Variants in BCAS3 observed in about 807,000 individuals in gnomAD.
The protein encoded by BCAS3 is BCAS4/BCAS3 fusion.
Under a neutral mutation model 116.1 loss-of-function variants are expected in BCAS3, and 53 were observed. The ratio of observed to expected loss-of-function variants is 0.46; its 90% confidence interval spans 0.37 to 0.57. The LOEUF is 0.57. Among genes scored for constraint, BCAS3 ranks in the 20% least tolerant of loss-of-function variants. The pLI is 0.00. For synonymous variants in BCAS3, 391 were observed against 408.2 expected (o/e 0.96, Z 0.51); for missense variants, 917 against 1,165.4 (o/e 0.79, Z 3.10).
At position 61,229,896 on chromosome 17, in the gene BCAS3, G is replaced by T. The variant is rs575492645; in HGVS notation, c.2426-138431G>T. Among the ~76,000 whole-genome samples the T allele has an allele frequency of 6.6e-6, 1 of 152,190 alleles. No individual in the cohort carries two copies. The highest frequency in any genetic ancestry group is 1.5e-5 in the Non-Finnish European group (1 of 68,032). ...TCCCAGCACTTTGGGAGGCCAAGGCGGGCGGTTCACCTGAGGTCAGGAGTT... is the reference window on the plus strand; with the variant it reads ...TCCCAGCACTTTGGGAGGCCAAGGCTGGCGGTTCACCTGAGGTCAGGAGTT... On this transcript the variant is annotated intron_variant, in intron 22 of 23. Coordinates refer to ENST00000407086, the MANE Select transcript of BCAS3 (RefSeq NM_017679.5). The surrounding 1 kb of genome is among the most constrained non-coding windows in gnomAD (Gnocchi z 4.4).
At chr17:61,312,190 T>A (rs1229663798) in intron 22 of BCAS3, among the ~76,000 whole-genome samples, 1 of 152,074 alleles carries the variant, frequency 6.6e-6, no homozygotes, top group African/African-American at 2.4e-5. Flanking sequence ...GATCCAACTC[T>A]CCATAAGCAA....
At chr17:60,881,226 G>A (rs891390380) in intron 9 of BCAS3, among the ~76,000 whole-genome samples, 3 of 152,014 alleles carry the variant, frequency 2.0e-5, no homozygotes, top group East Asian at 1.9e-4. Context: ...CGCCCACCTC[G>A]GCCTCCCAAA....
At position 61,214,031 on chromosome 17, in the gene BCAS3, C is replaced by T. The variant is rs2081623472; in HGVS notation, c.2425+129467C>T. Among the ~76,000 whole-genome samples the T allele has an allele frequency of 6.6e-6, 1 of 152,088 alleles. No individual in the cohort carries two copies. On this transcript the variant is annotated intron_variant, in intron 22 of 23. Coordinates refer to ENST00000407086, the MANE Select transcript of BCAS3 (RefSeq NM_017679.5). The surrounding 1 kb of genome is among the most constrained non-coding windows in gnomAD (Gnocchi z 4.4). ...ACAGTAGGCTGGAGATTCTACCTAA[C>T]CTCACAGGACTCCTAGCATGGCTGG...
At chr17:60,925,983 T>A (rs1045377335) in intron 13 of BCAS3, among the ~76,000 whole-genome samples, 2 of 152,190 alleles carry the variant, frequency 1.3e-5, no homozygotes, top group African/African-American at 4.8e-5. Flanking sequence ...TTGTACAATA[T>A]TTTAAGTGAT....
At chr17:61,125,540 A>T (rs1039382218) in intron 22 of BCAS3, among the ~76,000 whole-genome samples, 7 of 152,308 alleles carry the variant, frequency 4.6e-5, no homozygotes, top group East Asian at 1.9e-4. Context: ...TGACAAAAAA[A>T]ATTTTTATCA....
In BCAS3 at chr17:61,368,372, G is replaced by A. The variant is rs1297742624; in HGVS notation, c.2471G>A (p.Trp824Ter). 2 of 1,611,934 alleles carry A rather than the reference G, an allele frequency of 1.2e-6. No individual in the cohort carries two copies. The highest frequency in any genetic ancestry group is 1.7e-6 in the Non-Finnish European group (2 of 1,178,302). ...SVTLLEVCGS[W>*]PEGFGLRHMS... ...ACCCTGCTGGAGGTGTGCGGGAGCTGGCCTGAGGGCTTCGGGCTGCGGCAC... is the reference window on the plus strand; with the variant it reads ...ACCCTGCTGGAGGTGTGCGGGAGCTAGCCTGAGGGCTTCGGGCTGCGGCAC... The change falls in exon 23 of 24, where the codon TGG becomes TAG. Residue 824 changes from tryptophan (W) to a stop codon, truncating the protein, a stop_gained. Coordinates refer to ENST00000407086, the MANE Select transcript of BCAS3 (RefSeq NM_017679.5). LOFTEE classifies it high-confidence loss of function. This position sits in a 1 kb window ranked among gnomAD's most constrained non-coding sequence, Gnocchi z 6.0.
rs557630110 is a variant in BCAS3 at position 61,020,298 on chromosome 17, G to A, written c.1637+4397G>A. On this transcript the variant is annotated intron_variant, in intron 16 of 23. Coordinates refer to ENST00000407086, the MANE Select transcript of BCAS3 (RefSeq NM_017679.5). The surrounding 1 kb of genome is among the most constrained non-coding windows in gnomAD (Gnocchi z 4.5). ...GCCTGTGCAGTGTCAGGGACCATCT[G>A]TCTCACTGCGAGACATACATGAGGC... is the stretch of plus-strand genomic sequence containing the variant. 2.0e-5 allele frequency among the ~76,000 whole-genome samples: 3 copies of A among 152,158 alleles called. No homozygotes were observed. The highest frequency in any genetic ancestry group is 4.4e-5 in the Non-Finnish European group (3 of 68,036).
At chr17:60,839,831 A>G (rs1385676549) in intron 7 of BCAS3, among the ~76,000 whole-genome samples, 1 of 152,142 alleles carries the variant, frequency 6.6e-6, no homozygotes, top group African/African-American at 2.4e-5. Context: ...TGTCTTTGCT[A>G]TTTTGTGTTT....
chr17:60,828,397 G>T (rs1033346300), intron 7 of BCAS3, among the ~76,000 whole-genome samples: 13 of 151,862 alleles, frequency 8.6e-5, no homozygotes, highest in African/African-American at 1.9e-4. Flanking sequence ...CCATTTTTTT[G>T]GGGGGGAAAT....
At chr17:60,953,352 T>C (rs2060943604) in intron 14 of BCAS3, among the ~76,000 whole-genome samples, 1 of 152,200 alleles carries the variant, frequency 6.6e-6, no homozygotes, top group Admixed American at 6.5e-5. Flanking sequence ...TGCATTTCTC[T>C]AATGACATTC....
rs1311778638 is a variant in BCAS3, at chr17:61,136,844, C to T, written c.2425+52280C>T. Among the ~76,000 whole-genome samples the T allele has an allele frequency of 1.3e-5, 2 of 152,180 alleles. No homozygotes were observed. The highest frequency in any genetic ancestry group is 2.9e-5 in the Non-Finnish European group (2 of 68,026). On this transcript the variant is annotated intron_variant, in intron 22 of 23. Coordinates refer to ENST00000407086, the MANE Select transcript of BCAS3 (RefSeq NM_017679.5). The surrounding 1 kb of genome is among the most constrained non-coding windows in gnomAD (Gnocchi z 4.4). ...AAAGTCCTGAGATTACAGGTGTGAG[C>T]CACTGTGCTCAGCCAATTGTCCCCA...
chr17:60,816,541 G>T (rs1273306217), intron 7 of BCAS3, among the ~76,000 whole-genome samples: 1 of 152,066 alleles, frequency 6.6e-6, no homozygotes, highest in Non-Finnish European at 1.5e-5. Flanking sequence ...CCAAAATGCT[G>T]GGATTACAGG....
At chr17:61,321,342 G>A (rs994377046) in intron 22 of BCAS3, among the ~76,000 whole-genome samples, 5 of 152,154 alleles carry the variant, frequency 3.3e-5, no homozygotes, top group African/African-American at 1.2e-4. Context: ...TGAGAGACTC[G>A]CATTCCTTCT....
At position 61,233,499 on chromosome 17, in the gene BCAS3, C is replaced by CT. The variant is rs1472399230; in HGVS notation, c.2426-134826dup. 1.3e-5 allele frequency among the ~76,000 whole-genome samples: 2 copies of CT among 152,172 alleles called. No homozygotes were observed. Among genetic ancestry groups the CT allele is most frequent in the African/African-American group, 2.4e-5 (1 of 41,452 alleles). On this transcript the variant is annotated intron_variant, in intron 22 of 23. Transcript: ENST00000407086. This position sits in a 1 kb window ranked among gnomAD's most constrained non-coding sequence, Gnocchi z 4.3. ...GAAATGCTTCTTTTTAAGTTGCTGT[C>CT]TTGTGATCAAAACACAGTAAATGAA...
intron 22 of BCAS3, among the ~76,000 whole-genome samples, chr17:61,120,859 A>T (rs2075753177): frequency 1.3e-5 from 2 of 152,130 alleles, no homozygotes; most frequent in Non-Finnish European, 2.9e-5. Flanking sequence ...CAATTGGTTG[A>T]TATATTTCAT....
At chr17:60,754,887 A>G (rs1408688759) in intron 6 of BCAS3, among the ~76,000 whole-genome samples, 1 of 152,112 alleles carries the variant, frequency 6.6e-6, no homozygotes, top group African/African-American at 2.4e-5. Context: ...GGGCTTCTCT[A>G]ATGTTTTCCG....
chr17:61,135,496 G>A (rs1477257526), intron 22 of BCAS3, among the ~76,000 whole-genome samples: 1 of 152,176 alleles, frequency 6.6e-6, no homozygotes, highest in Admixed American at 6.5e-5. Flanking sequence ...GAAATAGCCA[G>A]AAGACAGTCA....
rs1295141089 is a variant in BCAS3, at chr17:61,106,592, G to A, written c.2425+22028G>A. The stretch of plus-strand genomic sequence containing the variant: ...GTTAAGCAATGCGTGGGTGTATAGT[G>A]TTGGTACTGTCCATGGTTTCAGGCA... On this transcript the variant is annotated intron_variant, in intron 22 of 23. Transcript: ENST00000407086. The surrounding 1 kb of genome is among the most constrained non-coding windows in gnomAD (Gnocchi z 4.2). Among the ~76,000 whole-genome samples, 1 of 152,206 alleles carries A rather than the reference G, an allele frequency of 6.6e-6. No individual in the cohort carries two copies. The highest frequency in any genetic ancestry group is 6.5e-5 in the Admixed American group (1 of 15,282).
chr17:61,070,662 A>G (rs889434163), intron 19 of BCAS3, among the ~76,000 whole-genome samples: 2 of 152,148 alleles, frequency 1.3e-5, no homozygotes, highest in Non-Finnish European at 2.9e-5. Context: ...AGCATTTGAG[A>G]ATGAATTTTA....
Sources: allele counts gnomAD v4.1 joint callset (sites outside exome capture counted in the v4.1 genomes callset), GRCh38; gene constraint gnomAD v4.1.1; non-coding constraint Gnocchi (gnomAD v3.1); transcripts MANE v1.5; gene names NCBI Gene and HGNC (gene_info 2026-07-23, HGNC 2026-07-21).